ARMC2: variants seen among roughly 807,000 people sequenced by gnomAD.
The protein encoded by ARMC2 is armadillo repeat-containing protein 2.
ARMC2 carries 67 observed loss-of-function variants against 90.3 expected under a neutral mutation model. The observed-to-expected ratio is 0.74, with a 90% CI of 0.61 to 0.91. The LOEUF (loss-of-function observed/expected upper bound fraction) is 0.91. ARMC2 is among the 40% of genes least tolerant of loss of function. The pLI, the probability that ARMC2 is intolerant of heterozygous loss-of-function variation, is 0.00. For missense variants in ARMC2, 920 were observed against 1,030.9 expected (o/e 0.89, Z 1.47); for synonymous variants, 393 against 393.0 (o/e 1.00, Z 0.00).
chr6:108,930,357 T>C (rs960243095), intron 11 of ARMC2, among the ~76,000 whole-genome samples: 6 of 152,048 alleles, frequency 3.9e-5, no homozygotes, highest in African/African-American at 1.4e-4. Flanking sequence ...TTTTTTCAAT[T>C]ATTGTAATTC....
chr6:108,924,472 C>T (rs754976259), intron 10 of ARMC2, among the ~76,000 whole-genome samples: 2 of 149,882 alleles, frequency 1.3e-5, no homozygotes, highest in Non-Finnish European at 3.0e-5. Context: ...GAGCCGAGAT[C>T]GAGACTCTGT....
intron 16 of ARMC2, among the ~76,000 whole-genome samples, chr6:108,964,695 A>G (rs917275701): frequency 2.6e-5 from 4 of 152,042 alleles, no homozygotes; most frequent in Non-Finnish European, 5.9e-5. Flanking sequence ...AATCGCTTGA[A>G]TCCGGGATAC....
At chr6:109,000,667 C>A in the ARMC2 span, 1 of 1,576,892 alleles carries the variant, frequency 6.3e-7, no homozygotes, top group Non-Finnish European at 8.6e-7. Flanking sequence ...TGATGTCTTG[C>A]CGCAGCCTTA....
chr6:108,945,066 T>C (rs187635242), intron 12 of ARMC2, among the ~76,000 whole-genome samples: 10 of 152,280 alleles, frequency 6.6e-5, no homozygotes, highest in African/African-American at 2.4e-4. Context: ...TTAAAAATGC[T>C]GGCCAAAATT....
chr6:108,899,420 C>CAGT (rs1365625750), intron 6 of ARMC2, among the ~76,000 whole-genome samples: 3 of 152,152 alleles, frequency 2.0e-5, no homozygotes, highest in African/African-American at 7.2e-5. Context: ...GCCTTACTGA[C>CAGT]AGTCATCAGT....
chr6:108,860,060 A>G (rs76335948), intron 3 of ARMC2, among the ~76,000 whole-genome samples: 107 of 147,454 alleles, frequency 7.3e-4, no homozygotes, highest in African/African-American at 2.5e-3. Flanking sequence ...CAGTTTTCTT[A>G]TTTTCTCTCT....
chr6:109,043,569 T>TA, the ARMC2 span, among the ~76,000 whole-genome samples: 1 of 152,096 alleles, frequency 6.6e-6, no homozygotes, highest in Non-Finnish European at 1.5e-5. Context: ...TGCTTTTCTA[T>TA]AGACCATCAG....
intron 5 of ARMC2, among the ~76,000 whole-genome samples, chr6:108,888,608 C>T (rs1384757682): frequency 6.6e-6 from 1 of 152,176 alleles, no homozygotes; most frequent in Non-Finnish European, 1.5e-5. Flanking sequence ...TCCATCTATT[C>T]TTCCTTTTCT....
the ARMC2 span, among the ~76,000 whole-genome samples, chr6:109,011,805 T>G: frequency 6.6e-6 from 1 of 151,820 alleles, no homozygotes; most frequent in East Asian, 1.9e-4. Context: ...CTTTTTAAAT[T>G]TTTTGTAGAG....
the ARMC2 span, among the ~76,000 whole-genome samples, chr6:109,017,886 C>T: frequency 2.6e-5 from 4 of 152,018 alleles, no homozygotes; most frequent in Non-Finnish European, 4.4e-5. Flanking sequence ...TAATTCCTGG[C>T]GAGGCACAGT....
chr6:108,880,797 T>TCC (rs1254621248), intron 5 of ARMC2, among the ~76,000 whole-genome samples: 9 of 149,320 alleles, frequency 6.0e-5, no homozygotes, highest in African/African-American at 2.0e-4. Context: ...CCTTCCTCTC[T>TCC]CTTTCTTTCT....
rs753215246 is a variant in ARMC2, at chr6:108,961,999, G to C, written c.2039-15G>C. 1.3e-6 allele frequency: 2 copies of C among 1,552,860 alleles called. No homozygotes were observed. The highest frequency in any genetic ancestry group is 1.8e-6 in the Non-Finnish European group (2 of 1,138,678). On this transcript the variant is annotated splice_polypyrimidine_tract_variant and intron_variant, in intron 14 of 17. Coordinates refer to ENST00000392644, the MANE Select transcript of ARMC2 (RefSeq NM_032131.6). ...TTAAATTCACTGATTTAATTTCTCT[G>C]GTCGCCAAATCCAGTGCTCTTAAAG...
chr6:109,009,243 G>A, the ARMC2 span: 1 of 1,007,184 alleles, frequency 9.9e-7, no homozygotes, highest in Non-Finnish European at 1.3e-6. Context: ...GTTTTCGGAT[G>A]CTGACCGGGA....
the ARMC2 span, among the ~76,000 whole-genome samples, chr6:108,984,162 C>T: frequency 6.6e-5 from 10 of 152,272 alleles, no homozygotes; most frequent in Non-Finnish European, 1.5e-4. Flanking sequence ...CCCACTGCAC[C>T]GTCCACCCTG....
chr6:108,906,734 T>G (rs1395457961), intron 8 of ARMC2, among the ~76,000 whole-genome samples: 1 of 152,176 alleles, frequency 6.6e-6, no homozygotes, highest in Non-Finnish European at 1.5e-5. Flanking sequence ...GTTCTCCCAC[T>G]TTGGCCTCCC....
Position 108,904,400 on chromosome 6 carries a change from C to G in ARMC2, c.1018C>G (p.Leu340Val), listed in dbSNP as rs145604834. 43 of 1,601,062 alleles carry G rather than the reference C, an allele frequency of 2.7e-5. No homozygotes were observed. Among genetic ancestry groups the G allele is most frequent in the African/African-American group, 1.5e-4 (11 of 74,032 alleles). The change falls in exon 8 of 18, where the codon CTA (leucine) becomes GTA (valine). Residue 340 changes from leucine to valine, a missense_variant. By Grantham distance (32) the Leu-to-Val change is conservative. Coordinates refer to ENST00000392644, the MANE Select transcript of ARMC2 (RefSeq NM_032131.6). ...SLSLKLAKIILALKVSRKNLL... is the reference protein window; with the variant it reads ...SLSLKLAKIIVALKVSRKNLL... Reference sequence around the variant, plus strand: ...CAGCCTTAAACTTGCAAAAATAATTCTAGCAGTAAGTTTTTCTTTCCTCTG... The same window carrying G: ...CAGCCTTAAACTTGCAAAAATAATTGTAGCAGTAAGTTTTTCTTTCCTCTG...
chr6:109,020,760 C>T, the ARMC2 span, among the ~76,000 whole-genome samples: 1 of 152,152 alleles, frequency 6.6e-6, no homozygotes, highest in Non-Finnish European at 1.5e-5. Flanking sequence ...AATATAGACA[C>T]AAAAACACTG....
At chr6:109,045,072 C>A in the ARMC2 span, among the ~76,000 whole-genome samples, 1 of 151,916 alleles carries the variant, frequency 6.6e-6, no homozygotes, top group Non-Finnish European at 1.5e-5. Flanking sequence ...CATTGCACTA[C>A]GCTACCACCT....
At chr6:109,006,696 GGTTTATAAAAA>G in the ARMC2 span, among the ~76,000 whole-genome samples, 2 of 151,962 alleles carry the variant, frequency 1.3e-5, no homozygotes, top group Admixed American at 1.3e-4. Context: ...TAGTAGTCTT[GGTTTATAAAAA>G]GTTTCCATTT....
Sources: gnomAD v4.1 joint callset for allele counts (sites outside exome capture counted in the v4.1 genomes callset) on GRCh38, gnomAD v4.1.1 for gene constraint, MANE v1.5 for transcripts, NCBI Gene and HGNC (gene_info 2026-07-23, HGNC 2026-07-21) for gene names.